Variants in PCDHA3 observed in about 807,000 individuals in gnomAD.
PCDHA3 encodes the protein protocadherin alpha-3.
In PCDHA3, 41 loss-of-function variants were observed where a neutral mutation model predicts 62.2. The ratio of observed to expected loss-of-function variants is 0.66; its 90% confidence interval spans 0.51 to 0.86. The LOEUF (loss-of-function observed/expected upper bound fraction) is 0.86. PCDHA3 is among the 40% of genes least tolerant of loss of function. The probability of loss-of-function intolerance (pLI) is 0.00; values close to 1 mark genes in which losing one functional copy is unlikely to be tolerated. For synonymous variants in PCDHA3, 640 were observed against 555.4 expected, an observed-to-expected ratio of 1.15 and a Z score of -2.14; for missense variants, 1,304 against 1,241.2, an observed-to-expected ratio of 1.05 and a Z score of -0.76.
intron 1 of PCDHA3, chr5:140,848,444 C>A: frequency 6.7e-7 from 1 of 1,498,894 alleles, no homozygotes; most frequent in Non-Finnish European, 9.1e-7. Flanking sequence ...CAGATGATTT[C>A]TTCTAATTTG....
At chr5:140,835,910 A>G (rs2150248144) in intron 1 of PCDHA3, 5 of 1,612,138 alleles carry the variant, frequency 3.1e-6, no homozygotes, top group Non-Finnish European at 3.4e-6. Context: ...GCTACGTGTC[A>G]GTGCACGCGG....
chr5:140,808,924 G>A (rs782681008), intron 1 of PCDHA3: 29 of 1,613,574 alleles, frequency 1.8e-5, no homozygotes, highest in Non-Finnish European at 2.4e-5. Flanking sequence ...CAGTGAGCGA[G>A]CTGGTGCCAT....
chr5:140,857,209 T>C (rs2044423092), intron 1 of PCDHA3: 1 of 1,598,580 alleles, frequency 6.3e-7, no homozygotes, highest in South Asian at 1.1e-5. Flanking sequence ...TCACCTGCTC[T>C]CTGACGCCTC....
At chr5:140,887,236 AC>A (rs1394086851) in intron 1 of PCDHA3, among the ~76,000 whole-genome samples, 1 of 151,804 alleles carries the variant, frequency 6.6e-6, no homozygotes, top group Non-Finnish European at 1.5e-5. Flanking sequence ...AGCTGAGACT[AC>A]CGGCGCCCGC....
Position 140,993,501 on chromosome 5 carries a change from C to T in PCDHA3, c.2542+10938C>T, listed in dbSNP as rs560043353. Among the ~76,000 whole-genome samples, 25 of 149,100 alleles carry T rather than the reference C, an allele frequency of 1.7e-4. No homozygotes were observed. The East Asian group carries it at 3.5e-3, about 21-fold the overall frequency. ...ACACACACACACACACACACACACA[C>T]ACACACACGGGGAGAGAGAGACAGA... On this transcript the variant is annotated intron_variant, in intron 3 of 3. Transcript: ENST00000522353.
chr5:140,864,968 G>C (rs1354647495), intron 1 of PCDHA3: 1 of 152,146 alleles, frequency 6.6e-6, no homozygotes, highest in Non-Finnish European at 1.5e-5. Flanking sequence ...GAAGCCGAGG[G>C]AGGAGGATCG....
At chr5:140,939,149 C>T (rs2092323339) in intron 1 of PCDHA3, among the ~76,000 whole-genome samples, 1 of 152,124 alleles carries the variant, frequency 6.6e-6, no homozygotes, top group South Asian at 2.1e-4. Flanking sequence ...GATCAAGGTC[C>T]TGGCAGATTT....
chr5:140,984,365 C>G (rs2097099251), intron 3 of PCDHA3, among the ~76,000 whole-genome samples: 1 of 152,128 alleles, frequency 6.6e-6, no homozygotes. Flanking sequence ...TACATCTGGC[C>G]AAGTCCCTCT....
rs141036392 is a variant in PCDHA3, at chr5:140,801,795, T to G, written c.598T>G (p.Leu200Val). ...CCTTGGACTCGTGTTGAAAAAAAAT[T>G]TAAATCGAGAGGACACTCCTAAGCA... The part of the protein sequence containing the change: ...KSLGLVLKKN[L>V]NREDTPKHYL... Residue 200 changes from leucine (L) to valine (V), a missense_variant, in exon 1 of 4, where the codon TTA (leucine) becomes GTA (valine). Physicochemically the swap from Leu to Val is conservative, Grantham distance 32. Coordinates refer to ENST00000522353, the MANE Select transcript of PCDHA3 (RefSeq NM_018906.3). 23 of 1,613,804 alleles carry G rather than the reference T, an allele frequency of 1.4e-5. No homozygotes were observed. The highest frequency in any genetic ancestry group is 2.7e-5 in the African/African-American group (2 of 74,846).
intron 1 of PCDHA3, chr5:140,848,346 C>A: frequency 1.1e-6 from 1 of 925,186 alleles, no homozygotes; most frequent in East Asian, 2.4e-5. Context: ...ACAAATACAG[C>A]CCTTTTCCCA....
chr5:140,979,081 G>A, intron 2 of PCDHA3, 74 bp downstream of exon 2: 1 of 1,564,866 alleles, frequency 6.4e-7, no homozygotes, highest in South Asian at 1.2e-5. Flanking sequence ...CATCTCCATA[G>A]GCCAGAAGCA....
At chr5:140,932,059 AT>A (rs2087988463) in intron 1 of PCDHA3, among the ~76,000 whole-genome samples, 1 of 151,936 alleles carries the variant, frequency 6.6e-6, no homozygotes, top group Non-Finnish European at 1.5e-5. Context: ...AATACTAAAA[AT>A]TATCAGTTTA....
intron 1 of PCDHA3, among the ~76,000 whole-genome samples, chr5:140,886,642 A>T (rs1412113366): frequency 6.6e-6 from 1 of 152,048 alleles, no homozygotes; most frequent in African/African-American, 2.4e-5. Flanking sequence ...CCTGGCCAAC[A>T]TGGTGAAACC....
intron 1 of PCDHA3, chr5:140,865,753 A>T (rs894037976): frequency 2.6e-5 from 4 of 152,218 alleles, no homozygotes; most frequent in Admixed American, 1.3e-4. Flanking sequence ...CAGTGCCAGT[A>T]CATGGTGGAG....
At chr5:140,848,167 C>G (rs1554142004) in intron 1 of PCDHA3, 1 of 254,352 alleles carries the variant, frequency 3.9e-6, no homozygotes, top group African/African-American at 2.2e-5. Flanking sequence ...TAAGAAGGCT[C>G]CAGCAAGAGA....
At chr5:140,871,209 C>T (rs955703694) in intron 1 of PCDHA3, 19 of 1,613,704 alleles carry the variant, frequency 1.2e-5, no homozygotes, top group East Asian at 4.5e-5. Flanking sequence ...TGATCATCGC[C>T]ATCTGCGTGG....
chr5:140,907,164 G>T (rs1554192895), intron 1 of PCDHA3, among the ~76,000 whole-genome samples: 2 of 152,098 alleles, frequency 1.3e-5, no homozygotes, highest in Non-Finnish European at 2.9e-5. Context: ...ACCATATATT[G>T]GATGCTGATT....
chr5:140,830,074 G>C (rs374237990), intron 1 of PCDHA3: 1 of 1,613,702 alleles, frequency 6.2e-7, no homozygotes, highest in Non-Finnish European at 8.5e-7. Context: ...CGCTGACAGC[G>C]ACGGCCACGG....
intron 1 of PCDHA3, chr5:140,967,981 G>C: frequency 6.2e-7 from 1 of 1,614,202 alleles, no homozygotes; most frequent in Non-Finnish European, 8.5e-7. Flanking sequence ...TGGGTCTGGA[G>C]GCCACACTGC....
Sources: allele counts gnomAD v4.1 joint callset (sites outside exome capture counted in the v4.1 genomes callset), GRCh38; gene constraint gnomAD v4.1.1; transcripts MANE v1.5; gene names NCBI Gene and HGNC (gene_info 2026-07-23, HGNC 2026-07-21).